ADAMTS6: variants seen among roughly 807,000 people sequenced by gnomAD.
ADAMTS6 encodes A disintegrin and metalloproteinase with thrombospondin motifs 6.
Under a neutral mutation model 144.3 loss-of-function variants are expected in ADAMTS6, and 23 were observed. The observed-to-expected ratio is 0.16, with a 90% CI of 0.11 to 0.23. ADAMTS6 has a LOEUF of 0.23. Among genes scored for constraint, ADAMTS6 ranks in the 10% least tolerant of loss-of-function variants. ADAMTS6 has a pLI of 1.00. For missense variants in ADAMTS6, 999 were observed against 1,379.6 expected, an observed-to-expected ratio of 0.72 and a Z score of 4.37; for synonymous variants, 444 against 457.5, an observed-to-expected ratio of 0.97 and a Z score of 0.38.
chr5:65,394,836 T>A (rs1390718872), intron 7 of ADAMTS6, among the ~76,000 whole-genome samples: 1 of 152,176 alleles, frequency 6.6e-6, no homozygotes, highest in Non-Finnish European at 1.5e-5. Context: ...TTAGCTTCTG[T>A]CTTATCTACT....
At chr5:65,170,273 T>C (rs139980218) in intron 24 of ADAMTS6, among the ~76,000 whole-genome samples, 21 of 152,306 alleles carry the variant, frequency 1.4e-4, no homozygotes, top group Non-Finnish European at 1.0e-4. Context: ...AAACAGAAGT[T>C]TGCACTTCAA....
At chr5:65,391,981 C>A (rs959988860) in intron 7 of ADAMTS6, among the ~76,000 whole-genome samples, 1 of 152,214 alleles carries the variant, frequency 6.6e-6, no homozygotes, top group African/African-American at 2.4e-5. Context: ...AGTGATCCAC[C>A]CGTCTCGGCC....
intron 24 of ADAMTS6, among the ~76,000 whole-genome samples, chr5:65,155,331 G>A (rs770718124): frequency 2.0e-5 from 3 of 152,104 alleles, no homozygotes; most frequent in Non-Finnish European, 4.4e-5. Context: ...TTGTCAATGT[G>A]CAAACATCTT....
intron 7 of ADAMTS6, among the ~76,000 whole-genome samples, chr5:65,406,805 G>A (rs1053611097): frequency 2.0e-5 from 3 of 151,926 alleles, no homozygotes; most frequent in Non-Finnish European, 4.4e-5. Context: ...ATTATTTTGA[G>A]ATACGTCCCA....
At chr5:65,212,539 CA>C (rs1477827367) in intron 20 of ADAMTS6, among the ~76,000 whole-genome samples, 1 of 147,242 alleles carries the variant, frequency 6.8e-6, no homozygotes, top group Non-Finnish European at 1.5e-5. Context: ...CTGACTTCAA[CA>C]AAATTATATT....
At chr5:65,196,328 C>G (rs1227645911) in intron 21 of ADAMTS6, among the ~76,000 whole-genome samples, 1 of 151,646 alleles carries the variant, frequency 6.6e-6, no homozygotes, top group African/African-American at 2.4e-5. Context: ...CGAGGTGATC[C>G]TGGCTAACAC....
At chr5:65,256,983 CTCTTTTTTTTT>C (rs1760725727) in intron 14 of ADAMTS6, among the ~76,000 whole-genome samples, 5 of 126,838 alleles carry the variant, frequency 3.9e-5, no homozygotes, top group South Asian at 2.4e-4. Context: ...CTCTCTCTCT[CTCTTTTTTTTT>C]TTTTTTTTTT....
At chr5:65,252,681 AATT>A (rs943221674) in intron 14 of ADAMTS6, among the ~76,000 whole-genome samples, 1 of 151,880 alleles carries the variant, frequency 6.6e-6, no homozygotes. Context: ...AACTAATAAC[AATT>A]ATTATTATTA....
At chr5:65,259,779 GA>G (rs1299954027) in intron 14 of ADAMTS6, among the ~76,000 whole-genome samples, 1 of 152,052 alleles carries the variant, frequency 6.6e-6, no homozygotes, top group Admixed American at 6.6e-5. Context: ...GTATGTTTAT[GA>G]AAAAAATTCA....
intron 22 of ADAMTS6, among the ~76,000 whole-genome samples, chr5:65,185,607 C>G (rs550944254): frequency 8.9e-4 from 136 of 152,282 alleles, no homozygotes; most frequent in African/African-American, 3.1e-3. Context: ...AAGAGTATTG[C>G]AGAAATGCGA....
intron 7 of ADAMTS6, among the ~76,000 whole-genome samples, chr5:65,386,759 G>T (rs555573183): frequency 1.3e-5 from 2 of 152,152 alleles, no homozygotes; most frequent in South Asian, 4.2e-4. Flanking sequence ...ACTAATTTTT[G>T]TATTTTTAGT....
chr5:65,206,026 C>T (rs1756062539), intron 20 of ADAMTS6, among the ~76,000 whole-genome samples: 1 of 152,126 alleles, frequency 6.6e-6, no homozygotes, highest in South Asian at 2.1e-4. Flanking sequence ...AGCTTATATG[C>T]ATTTATTTTC....
At chr5:65,168,328 G>A (rs1753343287) in intron 24 of ADAMTS6, among the ~76,000 whole-genome samples, 1 of 152,070 alleles carries the variant, frequency 6.6e-6, no homozygotes, top group South Asian at 2.1e-4. Flanking sequence ...AACTCACAAG[G>A]GATGTGAAGG....
chr5:65,207,780 C>T (rs938709259), intron 20 of ADAMTS6, among the ~76,000 whole-genome samples: 1 of 152,180 alleles, frequency 6.6e-6, no homozygotes, highest in African/African-American at 2.4e-5. Flanking sequence ...GGGCCATATG[C>T]CTCTTCTGTT....
At chr5:65,183,656 TA>T (rs1754492623) in intron 22 of ADAMTS6, among the ~76,000 whole-genome samples, 2 of 142,318 alleles carry the variant, frequency 1.4e-5, no homozygotes, top group Admixed American at 6.9e-5. Context: ...AAAATAAAAA[TA>T]AAAAAATAAA....
At chr5:65,389,953 T>A (rs527470473) in intron 7 of ADAMTS6, among the ~76,000 whole-genome samples, 16 of 152,268 alleles carry the variant, frequency 1.1e-4, no homozygotes, top group Non-Finnish European at 2.1e-4. Flanking sequence ...AACAACAGGA[T>A]GTAGAGTGTT....
intron 24 of ADAMTS6, among the ~76,000 whole-genome samples, chr5:65,157,801 G>C (rs1458264562): frequency 6.6e-6 from 1 of 152,132 alleles, no homozygotes. Flanking sequence ...TTGACCCCTT[G>C]ACATTTTACA....
At chr5:65,159,450 C>T (rs1450305806) in intron 24 of ADAMTS6, among the ~76,000 whole-genome samples, 1 of 152,200 alleles carries the variant, frequency 6.6e-6, no homozygotes, top group Non-Finnish European at 1.5e-5. Context: ...TGCTCATCTC[C>T]CAACCCACCG....
intron 20 of ADAMTS6, among the ~76,000 whole-genome samples, chr5:65,204,766 G>T (rs926258042): frequency 2.0e-5 from 3 of 152,148 alleles, no homozygotes; most frequent in Non-Finnish European, 4.4e-5. Flanking sequence ...AAATCTCAGT[G>T]ATAGGTTTTA....
Sources: allele counts gnomAD v4.1 joint callset (sites outside exome capture counted in the v4.1 genomes callset), GRCh38; gene constraint gnomAD v4.1.1; transcripts MANE v1.5; gene names NCBI Gene and HGNC (gene_info 2026-07-23, HGNC 2026-07-21).